Variants in UTRN observed in about 807,000 individuals in gnomAD.
The protein encoded by UTRN is dystrophin-related protein 1.
In UTRN, 283 loss-of-function variants were observed where a neutral mutation model predicts 463.9. The observed-to-expected ratio is 0.61, with a 90% CI of 0.55 to 0.67. The LOEUF is 0.67. Among genes scored for constraint, UTRN ranks in the 30% least tolerant of loss-of-function variants. The pLI, the probability that UTRN is intolerant of heterozygous loss-of-function variation, is 0.00. For synonymous variants in UTRN, 1,442 were observed against 1,431.5 expected (o/e 1.01, Z -0.17); for missense variants, 3,922 against 4,084.3 (o/e 0.96, Z 1.08).
chr6:144,686,482 T>G (rs1442517827), intron 52 of UTRN, among the ~76,000 whole-genome samples: 5 of 152,136 alleles, frequency 3.3e-5, no homozygotes, highest in African/African-American at 1.2e-4. Context: ...GTGCTGTCAG[T>G]ATAGTGTTGA....
chr6:144,289,621 C>T (rs974147953), intron 1 of UTRN, among the ~76,000 whole-genome samples: 1 of 151,932 alleles, frequency 6.6e-6, no homozygotes. Context: ...CTCGCCTAGA[C>T]CCAGATGCCC....
chr6:144,732,239 C>CACATATATAT (rs1562832398), intron 54 of UTRN, among the ~76,000 whole-genome samples: 102 of 116,044 alleles, frequency 8.8e-4, no homozygotes, highest in Admixed American at 3.2e-3. Context: ...TATATATATA[C>CACATATATAT]ATATATATAT....
At chr6:144,291,049 C>T (rs1019571885) in intron 1 of UTRN, among the ~76,000 whole-genome samples, 1 of 151,996 alleles carries the variant, frequency 6.6e-6, no homozygotes, top group African/African-American at 2.4e-5. Context: ...GCTGGGATTA[C>T]AGGCATGAGC....
At chr6:144,804,144 T>C (rs1777940048) in intron 65 of UTRN, among the ~76,000 whole-genome samples, 1 of 152,186 alleles carries the variant, frequency 6.6e-6, no homozygotes, top group Non-Finnish European at 1.5e-5. Flanking sequence ...ATTGAGTTAC[T>C]TTTTTGGATC....
chr6:144,569,299 A>G (rs148368670), intron 50 of UTRN, among the ~76,000 whole-genome samples: 89 of 152,244 alleles, frequency 5.8e-4, no homozygotes, highest in African/African-American at 1.7e-3. Context: ...TTGCACTGCT[A>G]TAAGTAGGGT....
intron 2 of UTRN, among the ~76,000 whole-genome samples, chr6:144,297,325 G>A (rs143989382): frequency 6.6e-6 from 1 of 152,266 alleles, no homozygotes; most frequent in African/African-American, 2.4e-5. Flanking sequence ...TTTATAGCAA[G>A]CCTCCTGAAA....
intron 51 of UTRN, among the ~76,000 whole-genome samples, chr6:144,628,221 G>T (rs1776148521): frequency 6.6e-6 from 1 of 152,076 alleles, no homozygotes; most frequent in Admixed American, 6.5e-5. Context: ...TATGAACATT[G>T]GTGTACAAGT....
intron 51 of UTRN, among the ~76,000 whole-genome samples, chr6:144,650,824 G>A (rs866626377): frequency 3.4e-4 from 52 of 152,126 alleles, no homozygotes; most frequent in Middle Eastern, 3.4e-3. Context: ...CAGGAGAATC[G>A]CTTGAACCCA....
At chr6:144,381,046 A>G (rs1780865423) in intron 2 of UTRN, among the ~76,000 whole-genome samples, 1 of 151,292 alleles carries the variant, frequency 6.6e-6, no homozygotes, top group Non-Finnish European at 1.5e-5. Flanking sequence ...GTTAAGGGGT[A>G]CATGTGTAGG....
chr6:144,349,154 G>A (rs1170555515), intron 2 of UTRN, among the ~76,000 whole-genome samples: 2 of 152,020 alleles, frequency 1.3e-5, no homozygotes, highest in African/African-American at 4.8e-5. Context: ...GACTACAGGC[G>A]CCCGCCATCA....
chr6:144,848,705 C>T (rs986249456), intron 74 of UTRN, among the ~76,000 whole-genome samples: 1 of 152,032 alleles, frequency 6.6e-6, no homozygotes, highest in Non-Finnish European at 1.5e-5. Context: ...GAGGACAGGA[C>T]CATTGGAGGA....
At chr6:144,725,685 C>A (rs191879349) in intron 53 of UTRN, among the ~76,000 whole-genome samples, 384 of 152,208 alleles carry the variant, frequency 2.5e-3, no homozygotes, top group Non-Finnish European at 4.6e-3. Context: ...TGCAGGTTTT[C>A]TTTTATGTCT....
intron 41 of UTRN, among the ~76,000 whole-genome samples, chr6:144,523,525 G>T (rs1796307686): frequency 6.6e-6 from 1 of 152,122 alleles, no homozygotes; most frequent in Admixed American, 6.5e-5. Context: ...GGCCAGGCTG[G>T]TATTGAACTC....
chr6:144,462,230 AG>A (rs756955793), intron 22 of UTRN, among the ~76,000 whole-genome samples: 3 of 152,200 alleles, frequency 2.0e-5, no homozygotes, highest in Non-Finnish European at 2.9e-5. Flanking sequence ...ATACCTGCAA[AG>A]GACATGATCT....
rs201546711 is a variant in UTRN, at chr6:144,528,032, A to ATTTTTTTTTT, written c.5907-3008_5907-2999dup. Among the ~76,000 whole-genome samples the ATTTTTTTTTT allele has an allele frequency of 7.1e-5, 8 of 112,110 alleles. 1 individual carries two copies. Among genetic ancestry groups the ATTTTTTTTTT allele is most frequent in the African/African-American group, 1.7e-4 (5 of 28,622 alleles). The allele number at this position is 112,110 out of a possible 152,430, so 73.5% of individuals were successfully genotyped here. A position where few individuals can be genotyped will look rare whatever the true frequency, so the allele number is the denominator to read the frequency against. ...GATCCATTGCTGGTAAGCTAGTGTG[A>ATTTTTTTTTT]TTTTTTTTTTTTTTTTTTTTTGAGA... On this transcript the variant is annotated intron_variant, in intron 41 of 74. Transcript: ENST00000367545.
chr6:144,572,719 A>T (rs1801065731), intron 50 of UTRN, among the ~76,000 whole-genome samples: 1 of 152,218 alleles, frequency 6.6e-6, no homozygotes, highest in Admixed American at 6.5e-5. Flanking sequence ...CCTGCAAAGG[A>T]CATGAACTCA....
chr6:144,503,288 C>T (rs148789781), intron 34 of UTRN, among the ~76,000 whole-genome samples: 4,306 of 152,118 alleles, frequency 0.028, 234 homozygotes, highest in African/African-American at 0.099. Flanking sequence ...CTTTTGTTGC[C>T]GTTGCTTTTG....
At chr6:144,466,680 A>G (rs961369661) in intron 23 of UTRN, among the ~76,000 whole-genome samples, 14 of 152,202 alleles carry the variant, frequency 9.2e-5, no homozygotes, top group Non-Finnish European at 1.6e-4. Flanking sequence ...ACATATTATA[A>G]AATCCTAAGA....
rs771706076 is a variant in UTRN, at chr6:144,557,242, G to A, written c.7220G>A (p.Ser2407Asn). ...CAGAAACTCCTGGAGGAATATGGGA[G>A]TGATGACACAAGGAATGTGAAAGAA... ...VLQKLLEEYG[S>N]DDTRNVKETT... Residue 2407 changes from serine (S) to asparagine (N), a missense_variant, in exon 50 of 75, where the codon AGT becomes AAT. By Grantham distance (46) the Ser-to-Asn change is conservative. Around this residue, in one of 3 missense-constraint regions of UTRN, gnomAD observed 1,309 missense variants for 1,452.6 expected, o/e 0.90. Transcript: ENST00000367545. 3 of 1,613,968 alleles carry A rather than the reference G, an allele frequency of 1.9e-6. No homozygotes were observed. The highest frequency in any genetic ancestry group is 2.5e-6 in the Non-Finnish European group (3 of 1,179,896).
Sources: gnomAD v4.1 joint callset for allele counts (sites outside exome capture counted in the v4.1 genomes callset) on GRCh38, gnomAD v4.1.1 for gene constraint, gnomAD v4.1.1 regional missense constraint, MANE v1.5 for transcripts, NCBI Gene and HGNC (gene_info 2026-07-23, HGNC 2026-07-21) for gene names.